PRKN: variants seen among roughly 807,000 people sequenced by gnomAD.
PRKN encodes the protein parkin RBR E3 ubiquitin protein ligase.
PRKN carries 56 observed loss-of-function variants against 59.5 expected under a neutral mutation model. The ratio of observed to expected loss-of-function variants is 0.94; its 90% CI spans 0.76 to 1.18. The LOEUF (loss-of-function observed/expected upper bound fraction) is 1.18. Ranked by LOEUF, PRKN falls within the 50% of genes most tolerant of loss-of-function variation. The pLI is 0.00. For synonymous variants in PRKN, 250 were observed against 222.1 expected (o/e 1.13, Z -1.12); for missense variants, 657 against 596.4 (o/e 1.10, Z -1.06).
intron 2 of PRKN, among the ~76,000 whole-genome samples, chr6:162,285,427 G>C (rs1234704956): frequency 2.0e-5 from 3 of 151,840 alleles, no homozygotes; most frequent in Non-Finnish European, 4.4e-5. Flanking sequence ...GGTTATTATT[G>C]GGTGTTGTAT....
intron 4 of PRKN, among the ~76,000 whole-genome samples, chr6:162,097,509 T>C (rs1779795206): frequency 6.6e-6 from 1 of 152,138 alleles, no homozygotes; most frequent in Non-Finnish European, 1.5e-5. Context: ...ACTTGGAGAA[T>C]TTCCGTAATG....
At chr6:161,890,654 T>A (rs1373715658) in intron 6 of PRKN, among the ~76,000 whole-genome samples, 2 of 152,310 alleles carry the variant, frequency 1.3e-5, no homozygotes, top group East Asian at 3.9e-4. Flanking sequence ...GCCGTGAACA[T>A]AACACTCTGT....
At chr6:161,762,095 T>A (rs1789227954) in intron 7 of PRKN, among the ~76,000 whole-genome samples, 1 of 152,048 alleles carries the variant, frequency 6.6e-6, no homozygotes. Context: ...CAGGCACACA[T>A]GAAGTCGTGC....
chr6:162,391,226 C>G (rs188228953), intron 2 of PRKN, among the ~76,000 whole-genome samples: 26 of 152,096 alleles, frequency 1.7e-4, no homozygotes, highest in African/African-American at 6.3e-4. Context: ...TGACTTCATC[C>G]AGGAAGATAA....
In PRKN at chr6:162,214,699, C is replaced by T. The variant is rs114672155; in HGVS notation, c.413-13447G>A. Among the ~76,000 whole-genome samples the T allele has an allele frequency of 2.0e-3, 302 of 152,128 alleles. 1 individual carries two copies. Among genetic ancestry groups the T allele is most frequent in the African/African-American group, 6.6e-3 (273 of 41,502 alleles). On this transcript the variant is annotated intron_variant, in intron 3 of 11. Transcript: ENST00000366898. Reference sequence around the variant, plus strand: ...ATAACACCCAAAATGTGTGGCCTGGCGGAAATTTCTTAGTTGATAAATAGA... The same window carrying T: ...ATAACACCCAAAATGTGTGGCCTGGTGGAAATTTCTTAGTTGATAAATAGA...
At chr6:162,313,479 C>T (rs1782614539) in intron 2 of PRKN, among the ~76,000 whole-genome samples, 1 of 151,912 alleles carries the variant, frequency 6.6e-6, no homozygotes, top group South Asian at 2.1e-4. Flanking sequence ...CATGTATATA[C>T]TGTATCAATT....
intron 5 of PRKN, among the ~76,000 whole-genome samples, chr6:162,020,670 T>C (rs1783112061): frequency 6.6e-6 from 1 of 152,154 alleles, no homozygotes; most frequent in South Asian, 2.1e-4. Flanking sequence ...ATTGGGGAGT[T>C]AACAGTTAAT....
intron 3 of PRKN, among the ~76,000 whole-genome samples, chr6:162,244,513 A>C (rs1779119926): frequency 6.6e-6 from 1 of 152,130 alleles, no homozygotes; most frequent in African/African-American, 2.4e-5. Flanking sequence ...CTCATTGAGT[A>C]GCTCCAAACA....
intron 5 of PRKN, among the ~76,000 whole-genome samples, chr6:162,002,430 A>G (rs1167920084): frequency 6.6e-6 from 1 of 152,110 alleles, no homozygotes. Context: ...CAGATTGTAA[A>G]TATAGATTTG....
intron 6 of PRKN, among the ~76,000 whole-genome samples, chr6:161,894,002 T>C (rs1289026270): frequency 6.6e-6 from 1 of 152,222 alleles, no homozygotes; most frequent in Non-Finnish European, 1.5e-5. Flanking sequence ...GCCACATTCA[T>C]TATCGATCCT....
intron 1 of PRKN, among the ~76,000 whole-genome samples, chr6:162,552,369 G>T (rs1379715967): frequency 6.6e-6 from 1 of 152,132 alleles, no homozygotes; most frequent in African/African-American, 2.4e-5. Context: ...TGAGCGGGTG[G>T]CGAGAGACAA....
chr6:162,554,752 G>T (rs1485934974), intron 1 of PRKN, among the ~76,000 whole-genome samples: 4 of 152,274 alleles, frequency 2.6e-5, no homozygotes, highest in South Asian at 2.1e-4. Flanking sequence ...CCGGAGCCAG[G>T]CGTACATTGG....
intron 7 of PRKN, among the ~76,000 whole-genome samples, chr6:161,690,704 C>T (rs1200052225): frequency 4.6e-5 from 7 of 152,154 alleles, no homozygotes; most frequent in Admixed American, 1.3e-4. Flanking sequence ...ATTTTCCCTC[C>T]GCCTGACCTC....
chr6:161,413,508 C>G lies in PRKN; in HGVS notation c.1084-26631G>C, dbSNP rs1474460490. On this transcript the variant is annotated intron_variant, in intron 9 of 11. Transcript: ENST00000366898. The surrounding 1 kb of genome is among the most constrained non-coding windows in gnomAD (Gnocchi z 4.4). ...CCAAGTGGGCATGCTGCAGTGAGAA[C>G]TGGGGGAGAAGGCCGGAACCTGGCG... is the stretch of plus-strand genomic sequence containing the variant. 6.6e-6 allele frequency among the ~76,000 whole-genome samples: 1 copy of G among 152,170 alleles called. No homozygotes were observed. Among genetic ancestry groups the G allele is most frequent in the Non-Finnish European group, 1.5e-5 (1 of 68,036 alleles).
chr6:161,513,015 G>T (rs1235058842), intron 9 of PRKN, among the ~76,000 whole-genome samples: 1 of 152,102 alleles, frequency 6.6e-6, no homozygotes, highest in Non-Finnish European at 1.5e-5. Flanking sequence ...ATGCCCATCT[G>T]GCCTCCACAG....
intron 2 of PRKN, among the ~76,000 whole-genome samples, chr6:162,290,876 G>A (rs2128109214): frequency 6.6e-6 from 1 of 152,240 alleles, no homozygotes; most frequent in South Asian, 2.1e-4. Flanking sequence ...AAAAGGGATA[G>A]GATAACTCTA....
At chr6:161,766,161 T>C (rs1200320097) in intron 7 of PRKN, among the ~76,000 whole-genome samples, 5 of 152,158 alleles carry the variant, frequency 3.3e-5, no homozygotes, top group Admixed American at 1.3e-4. Context: ...ATATATAGTA[T>C]TAAGAAACCA....
intron 6 of PRKN, among the ~76,000 whole-genome samples, chr6:161,907,338 A>C (rs1402399239): frequency 6.6e-6 from 1 of 152,212 alleles, no homozygotes; most frequent in Non-Finnish European, 1.5e-5. Context: ...AAAAAGCTCG[A>C]AAAGAATGGG....
chr6:162,239,911 C>T (rs754563099), intron 3 of PRKN, among the ~76,000 whole-genome samples: 23 of 152,112 alleles, frequency 1.5e-4, no homozygotes, highest in Non-Finnish European at 3.2e-4. Flanking sequence ...CCCAGGCCTC[C>T]CAGATGTTGG....
Sources: allele counts gnomAD v4.1 joint callset (sites outside exome capture counted in the v4.1 genomes callset), GRCh38; gene constraint gnomAD v4.1.1; non-coding constraint Gnocchi (gnomAD v3.1); transcripts MANE v1.5; gene names NCBI Gene and HGNC (gene_info 2026-07-23, HGNC 2026-07-21).